MAP3K20: variants seen among roughly 807,000 people sequenced by gnomAD.
MAP3K20 encodes mitogen-activated protein kinase kinase kinase 20, also known as HCCS-4.
Under a neutral mutation model 85.7 loss-of-function variants are expected in MAP3K20, and 40 were observed. The observed-to-expected ratio is 0.47, with a 90% CI of 0.36 to 0.61. The LOEUF (loss-of-function observed/expected upper bound fraction) is 0.61, where lower values mean the gene tolerates loss of function less well. MAP3K20 is among the 20% of genes least tolerant of loss of function. The pLI, the probability that MAP3K20 is intolerant of heterozygous loss-of-function variation, is 0.00. For missense variants in MAP3K20, 817 were observed against 961.7 expected, an observed-to-expected ratio of 0.85 and a Z score of 1.99; for synonymous variants, 325 against 327.7, an observed-to-expected ratio of 0.99 and a Z score of 0.09.
At chr2:173,182,224 G>A (rs148403914) in intron 3 of MAP3K20, among the ~76,000 whole-genome samples, 1 of 152,330 alleles carries the variant, frequency 6.6e-6, no homozygotes, top group East Asian at 1.9e-4. Context: ...GTGTGAGAGT[G>A]ATGATTAACT....
At chr2:173,112,165 C>A (rs968823766) in intron 2 of MAP3K20, among the ~76,000 whole-genome samples, 3 of 151,592 alleles carry the variant, frequency 2.0e-5, no homozygotes, top group Non-Finnish European at 4.4e-5. Flanking sequence ...ATTTTATTTG[C>A]AGCTATTGTA....
At chr2:173,076,108 G>A (rs1686847570) in intron 1 of MAP3K20, 106 bp downstream of exon 1, 3 of 856,550 alleles carry the variant, frequency 3.5e-6, no homozygotes, top group Non-Finnish European at 2.8e-6. Context: ...GCCGGAGCCC[G>A]GGAGTCTAGG....
At chr2:173,101,228 T>C (rs182543069) in intron 2 of MAP3K20, among the ~76,000 whole-genome samples, 19 of 152,336 alleles carry the variant, frequency 1.2e-4, no homozygotes, top group African/African-American at 3.8e-4. Flanking sequence ...TTTTTTTAGA[T>C]GATTAGTGTG....
chr2:173,092,145 C>G (rs1574004261), intron 2 of MAP3K20, among the ~76,000 whole-genome samples: 1 of 152,180 alleles, frequency 6.6e-6, no homozygotes, highest in East Asian at 1.9e-4. Context: ...TGAGTTTCCT[C>G]CCAGCGGTGC....
At chr2:173,178,369 C>T (rs1433900602) in intron 3 of MAP3K20, among the ~76,000 whole-genome samples, 3 of 152,150 alleles carry the variant, frequency 2.0e-5, no homozygotes, top group East Asian at 3.9e-4. Context: ...TTAGGCTGGG[C>T]GCAGTGGCTC....
rs111877363 is a variant in MAP3K20, at chr2:173,185,077, A to C, written c.349+2122A>C. Among the ~76,000 whole-genome samples the C allele has an allele frequency of 6.5e-3, 990 of 152,248 alleles. 6 individuals are homozygous for C. The highest frequency in any genetic ancestry group is 8.1e-3 in the Non-Finnish European group (551 of 68,022). On this transcript the variant is annotated intron_variant, in intron 4 of 19. Coordinates refer to ENST00000375213, the MANE Select transcript of MAP3K20 (RefSeq NM_016653.3). ...ACCAACATGGAGAAACCCTGTTTCT[A>C]CTAAAAATACAAATTTAGCCAGGCG...
intron 3 of MAP3K20, among the ~76,000 whole-genome samples, chr2:173,181,933 G>T (rs1382207810): frequency 6.6e-6 from 1 of 151,058 alleles, no homozygotes; most frequent in African/African-American, 2.4e-5. Flanking sequence ...GTATGTGCCT[G>T]TAGTCCCAGC....
rs944662516 is a variant in MAP3K20, at chr2:173,266,294, C to T, written c.1947C>T (p.Ser649=). ...TQYGLTKNFS[S]LHLNSRDSGF... ...ATGGACTGACCAAAAACTTCTCTTC[C>T]CTACATCTCAACTCTAGGGACAGTG... is the stretch of plus-strand genomic sequence containing the variant. Residue 649 remains serine, a synonymous_variant, in exon 20 of 20, where the codon TCC becomes TCT. Coordinates refer to ENST00000375213, the MANE Select transcript of MAP3K20 (RefSeq NM_016653.3). 3.2e-5 allele frequency: 52 copies of T among 1,614,012 alleles called. No individual in the cohort carries two copies. The highest frequency in any genetic ancestry group is 4.2e-5 in the Non-Finnish European group (49 of 1,180,036).
At chr2:173,122,655 T>C (rs188319607) in intron 2 of MAP3K20, among the ~76,000 whole-genome samples, 1 of 152,198 alleles carries the variant, frequency 6.6e-6, no homozygotes, top group Non-Finnish European at 1.5e-5. Flanking sequence ...CCACTGGACC[T>C]ACGTTTTGTT....
rs139366794 is a variant in MAP3K20 at position 173,266,825 on chromosome 2, T to C, written c.*75T>C. 664 of 1,295,434 alleles carry C rather than the reference T, an allele frequency of 5.1e-4. 4 individuals carry two copies. The African/African-American group carries it at 9.0e-3, about 18-fold the overall frequency. The allele number at this position is 1,295,434 out of a possible 1,614,324, so 80.2% of individuals were successfully genotyped here. On this transcript the variant is annotated 3_prime_UTR_variant, in exon 20 of 20. Transcript: ENST00000375213. ...AGAAATGTAATGGTTTTTGATAATA[T>C]GATCCCTTCAGATTGAATTAACGAA...
chr2:173,154,552 C>T (rs1171012000), intron 2 of MAP3K20, among the ~76,000 whole-genome samples: 1 of 152,108 alleles, frequency 6.6e-6, no homozygotes, highest in African/African-American at 2.4e-5. Context: ...TAATACAGAT[C>T]CTTCACGTGT....
rs114513055 is a variant in MAP3K20 at position 173,176,553 on chromosome 2, C to T, written c.248-6301C>T. Among the ~76,000 whole-genome samples, 927 of 151,596 alleles carry T rather than the reference C, an allele frequency of 6.1e-3. 5 individuals are homozygous for T. The highest frequency in any genetic ancestry group is 0.041 in the Middle Eastern group (12 of 294). ...TTGAACTACTGCTAAGAAAGTCATT[C>T]GATAAATATAATAAAAATCAATCAA... On this transcript the variant is annotated intron_variant, in intron 3 of 19. Transcript: ENST00000375213.
At chr2:173,257,419 G>A (rs1685186005) in intron 16 of MAP3K20, among the ~76,000 whole-genome samples, 1 of 152,136 alleles carries the variant, frequency 6.6e-6, no homozygotes, top group African/African-American at 2.4e-5. Context: ...GGAATCATTA[G>A]GTTGTTCTTT....
At position 173,198,127 on chromosome 2, in the gene MAP3K20, C is replaced by T; in HGVS notation, c.669+15C>T. ...AAAAAAACGAGGTAAGACTACGTTT[C>T]TCCATTCAGGTACATAGATCAGAAA... is the stretch of plus-strand genomic sequence containing the variant. On this transcript the variant is annotated intron_variant, in intron 8 of 19. Coordinates refer to ENST00000375213, the MANE Select transcript of MAP3K20 (RefSeq NM_016653.3). This position sits in a 1 kb window ranked among gnomAD's most constrained non-coding sequence, Gnocchi z 5.8. 6.2e-7 allele frequency: 1 copy of T among 1,607,414 alleles called. No homozygotes were observed. Among genetic ancestry groups the T allele is most frequent in the Non-Finnish European group, 8.5e-7 (1 of 1,175,302 alleles).
chr2:173,205,319 T>C (rs1199482563), intron 9 of MAP3K20, among the ~76,000 whole-genome samples: 1 of 152,088 alleles, frequency 6.6e-6, no homozygotes, highest in Non-Finnish European at 1.5e-5. Flanking sequence ...ATGTAAACCC[T>C]GTTCCAATCT....
intron 16 of MAP3K20, among the ~76,000 whole-genome samples, chr2:173,258,342 T>A (rs889477733): frequency 6.6e-5 from 10 of 152,256 alleles, no homozygotes; most frequent in African/African-American, 2.4e-4. Flanking sequence ...GTTCCTACAA[T>A]GTTTAATATG....
At chr2:173,076,151 C>G in intron 1 of MAP3K20, 149 bp downstream of exon 1, 15 of 512,128 alleles carry the variant, frequency 2.9e-5, no homozygotes, top group Non-Finnish European at 3.8e-5. Context: ...GCTCCCCTCC[C>G]CGACCCAGGG....
chr2:173,230,387 C>G (rs980338511), intron 12 of MAP3K20, among the ~76,000 whole-genome samples: 2 of 152,160 alleles, frequency 1.3e-5, no homozygotes, highest in African/African-American at 4.8e-5. Context: ...AGGATCTGGT[C>G]AAGGCAGTGC....
At chr2:173,129,129 A>G (rs111450974) in intron 2 of MAP3K20, among the ~76,000 whole-genome samples, 2,404 of 152,042 alleles carry the variant, frequency 0.016, 42 homozygotes, top group South Asian at 0.031. Context: ...AGGTTTCACC[A>G]TGTTGGCCAG....
Sources: gnomAD v4.1 joint callset for allele counts (sites outside exome capture counted in the v4.1 genomes callset) on GRCh38, gnomAD v4.1.1 for gene constraint, Gnocchi (gnomAD v3.1) non-coding constraint, MANE v1.5 for transcripts, NCBI Gene and HGNC (gene_info 2026-07-23, HGNC 2026-07-21) for gene names.